The following ZNF385C variants were observed in gnomAD, a reference collection of about 807,000 sequenced individuals.
The protein encoded by ZNF385C is CTD-2132N18.2.
A neutral mutation model predicts 35.4 loss-of-function variants in ZNF385C; 28 were observed. That is an observed-to-expected ratio of 0.79 (90% CI 0.59 to 1.08). ZNF385C has a LOEUF of 1.08. ZNF385C is among the 50% of genes least tolerant of loss of function. ZNF385C has a pLI of 0.00. For synonymous variants in ZNF385C, 248 were observed against 248.2 expected, an observed-to-expected ratio of 1.00 and a Z score of 0.01; for missense variants, 605 against 595.6, an observed-to-expected ratio of 1.02 and a Z score of -0.16.
chr17:42,039,959 C>A (rs1233329330), intron 2 of ZNF385C: 1 of 1,231,004 alleles, frequency 8.1e-7, no homozygotes, highest in East Asian at 3.2e-5. Context: ...GGGAAGAGCT[C>A]GTGCAGCTCC....
chr17:42,040,932 G>A, intron 2 of ZNF385C: 1 of 1,232,248 alleles, frequency 8.1e-7, no homozygotes, highest in Non-Finnish European at 1.0e-6. Flanking sequence ...AGCTGAGCCA[G>A]GCCAGCTTGG....
intron 1 of ZNF385C, among the ~76,000 whole-genome samples, chr17:42,087,878 A>G (rs2143945280): frequency 6.6e-6 from 1 of 152,346 alleles, no homozygotes; most frequent in South Asian, 2.1e-4. Flanking sequence ...CCAAATTTTG[A>G]TGTCCTTTTG....
In ZNF385C at chr17:42,026,456, T is replaced by C. The variant is rs144914636; in HGVS notation, c.*441A>G. 3.9e-5 allele frequency: 8 copies of C among 206,402 alleles called. No individual in the cohort carries two copies. Among genetic ancestry groups the C allele is most frequent in the African/African-American group, 1.4e-4 (6 of 42,112 alleles). The allele number at this position is 206,402 out of a possible 1,614,324, so 12.8% of individuals were successfully genotyped here. A position where few individuals can be genotyped will look rare whatever the true frequency, so the allele number is the denominator to read the frequency against. ...CATGGTCACCTTGTCCTGACAGCCT[T>C]GAGCCTGCTGCAGCTAGAGACCCCA... On this transcript the variant is annotated 3_prime_UTR_variant, in exon 9 of 9. Transcript: ENST00000692273.
At chr17:42,083,208 GTT>G (rs1169797704) in intron 1 of ZNF385C, among the ~76,000 whole-genome samples, 3 of 144,818 alleles carry the variant, frequency 2.1e-5, no homozygotes, top group African/African-American at 2.5e-5. Context: ...ATGTTTTTTT[GTT>G]TTTTTTTTTT....
At chr17:42,058,106 G>C (rs2053408859) in intron 2 of ZNF385C, among the ~76,000 whole-genome samples, 1 of 152,092 alleles carries the variant, frequency 6.6e-6, no homozygotes, top group African/African-American at 2.4e-5. Flanking sequence ...TCAGTGCTGG[G>C]AGTAAGAATT....
intron 4 of ZNF385C, among the ~76,000 whole-genome samples, chr17:42,032,056 G>A (rs960894213): frequency 3.3e-5 from 5 of 152,052 alleles, no homozygotes; most frequent in African/African-American, 1.2e-4. Flanking sequence ...TGTTGTTGTT[G>A]TTGTTTTTGT....
Position 42,050,865 on chromosome 17 carries a change from C to T in ZNF385C, c.250+11942G>A, listed in dbSNP as rs1437699515. The stretch of plus-strand genomic sequence containing the variant: ...GCGGTGCCGGGGTTCATTCGGTCCG[C>T]GCATGTATCCGGGGTTCCTCGAGGG... On this transcript the variant is annotated intron_variant, in intron 2 of 8. Coordinates refer to ENST00000692273, the MANE Select transcript of ZNF385C (RefSeq NM_001392013.1). This position sits in a 1 kb window ranked among gnomAD's most constrained non-coding sequence, Gnocchi z 5.6. Among the ~76,000 whole-genome samples, 4 of 152,028 alleles carry T rather than the reference C, an allele frequency of 2.6e-5. No homozygotes were observed. In the South Asian group the frequency reaches 8.3e-4, roughly 31 times the overall value.
intron 1 of ZNF385C, among the ~76,000 whole-genome samples, chr17:42,068,975 C>A (rs2053586346): frequency 1.3e-5 from 2 of 152,062 alleles, no homozygotes; most frequent in Non-Finnish European, 2.9e-5. Context: ...AGAGGTGGGG[C>A]CAGAGCCAAA....
rs182902928 is a variant in ZNF385C at position 42,033,476 on chromosome 17, C to T, written c.510+749G>A. 9.3e-4 allele frequency among the ~76,000 whole-genome samples: 142 copies of T among 152,294 alleles called. 1 individual carries two copies. Among genetic ancestry groups the T allele is most frequent in the East Asian group, 1.7e-3 (9 of 5,174 alleles). ...ATTATAATAGCGCCTCTAGGCCAGG[C>T]GCGGTGGCTCACACCTGTAATCCCA... On this transcript the variant is annotated intron_variant, in intron 4 of 8. Coordinates refer to ENST00000692273, the MANE Select transcript of ZNF385C (RefSeq NM_001392013.1).
intron 8 of ZNF385C, 68 bp downstream of exon 8, chr17:42,027,550 T>TA: frequency 1.3e-5 from 6 of 460,738 alleles, no homozygotes; most frequent in Non-Finnish European, 2.0e-5. Flanking sequence ...AGCCCCCCCA[T>TA]CTGGCCCTCC....
At position 42,026,525 on chromosome 17, in the gene ZNF385C, G is replaced by A. The variant is rs199877314; in HGVS notation, c.*372C>T. The A allele has an allele frequency of 8.5e-5, 25 of 292,618 alleles. No individual in the cohort carries two copies. In the East Asian group the frequency reaches 2.6e-3, roughly 31 times the overall value. The allele number at this position is 292,618 out of a possible 1,614,324, so 18.1% of individuals were successfully genotyped here. ...CCCCAAAGCCTAGGAATAGAGGTCA[G>A]AGAGTCGTCCCCTGGCTAGGAGAGG... On this transcript the variant is annotated 3_prime_UTR_variant, in exon 9 of 9. Coordinates refer to ENST00000692273, the MANE Select transcript of ZNF385C (RefSeq NM_001392013.1).
intron 1 of ZNF385C, among the ~76,000 whole-genome samples, chr17:42,080,682 C>T (rs1174089062): frequency 2.6e-5 from 4 of 152,262 alleles, no homozygotes; most frequent in South Asian, 2.1e-4. Flanking sequence ...CAAATCGGTC[C>T]GGTGGGAGGA....
In ZNF385C at chr17:42,066,185, G is replaced by A. The variant is rs1235220554; in HGVS notation, c.-2-3127C>T. On this transcript the variant is annotated intron_variant, in intron 1 of 8. Transcript: ENST00000692273. ...AGTGATTCTCCTGCCTCAGCCTCCC[G>A]AGTAGCTGGGACTACAGGCGCGTGC... Among the ~76,000 whole-genome samples the A allele has an allele frequency of 2.6e-5, 4 of 152,118 alleles. No individual in the cohort carries two copies. In the South Asian group the frequency reaches 8.3e-4, roughly 32 times the overall value.
At chr17:42,051,280 A>T (rs901855761) in intron 2 of ZNF385C, among the ~76,000 whole-genome samples, 7 of 151,926 alleles carry the variant, frequency 4.6e-5, no homozygotes, top group African/African-American at 1.7e-4. Flanking sequence ...AGTTATTTGC[A>T]GTGGGGTTGA....
At chr17:42,038,364 C>T (rs1387705968) in intron 2 of ZNF385C, 3 of 373,518 alleles carry the variant, frequency 8.0e-6, no homozygotes, top group East Asian at 1.1e-4. Flanking sequence ...ATGGCCAGGG[C>T]TGACAGGAGG....
rs2053912705 is a variant in ZNF385C at position 42,095,936 on chromosome 17, C to G, written c.-3+2474G>C. Reference sequence around the variant, plus strand: ...AAATATTTAAAAGTTATAAATCAAGCCAGCAAACTGTGAAATATGTTCTAA... The same window carrying G: ...AAATATTTAAAAGTTATAAATCAAGGCAGCAAACTGTGAAATATGTTCTAA... On this transcript the variant is annotated intron_variant, in intron 1 of 8. Transcript: ENST00000692273. This position sits in a 1 kb window ranked among gnomAD's most constrained non-coding sequence, Gnocchi z 4.4. Among the ~76,000 whole-genome samples the G allele has an allele frequency of 6.6e-6, 1 of 152,158 alleles. No homozygotes were observed. The highest frequency in any genetic ancestry group is 1.5e-5 in the Non-Finnish European group (1 of 68,024).
chr17:42,079,201 AAAAT>A (rs1278902812), intron 1 of ZNF385C, among the ~76,000 whole-genome samples: 5,196 of 128,072 alleles, frequency 0.041, 123 homozygotes, highest in African/African-American at 0.093. Context: ...AAAAAAAAAA[AAAAT>A]ATATATATAT....
chr17:42,043,247 A>T, intron 2 of ZNF385C: 2 of 1,232,278 alleles, frequency 1.6e-6, no homozygotes, highest in East Asian at 6.3e-5. Flanking sequence ...TCGAGGCAGA[A>T]CATCAGCTTC....
At chr17:42,093,169 G>A (rs1323815560) in intron 1 of ZNF385C, among the ~76,000 whole-genome samples, 1 of 152,158 alleles carries the variant, frequency 6.6e-6, no homozygotes, top group Non-Finnish European at 1.5e-5. Context: ...CAGGCCCCTC[G>A]GCCTGGGGCA....
Sources: allele counts gnomAD v4.1 joint callset (sites outside exome capture counted in the v4.1 genomes callset), GRCh38; gene constraint gnomAD v4.1.1; non-coding constraint Gnocchi (gnomAD v3.1); transcripts MANE v1.5; gene names NCBI Gene and HGNC (gene_info 2026-07-23, HGNC 2026-07-21).